Variants in FBXL17 observed in about 807,000 individuals in gnomAD.
FBXL17 encodes F-box/LRR-repeat protein 17.
FBXL17 carries 22 observed loss-of-function variants against 66.2 expected under a neutral mutation model. The ratio of observed to expected loss-of-function variants is 0.33; its 90% CI spans 0.24 to 0.47. The LOEUF is 0.47. Among genes scored for constraint, FBXL17 ranks in the 20% least tolerant of loss-of-function variants. FBXL17 has a pLI of 1.00. For missense variants in FBXL17, 878 were observed against 948.2 expected (o/e 0.93, Z 0.97); for synonymous variants, 474 against 400.5 (o/e 1.18, Z -2.19).
At chr5:108,258,737 ATTTTTT>A (rs759401052) in intron 4 of FBXL17, among the ~76,000 whole-genome samples, 3 of 122,890 alleles carry the variant, frequency 2.4e-5, no homozygotes, top group South Asian at 5.1e-4. Context: ...GGCCTTTAAC[ATTTTTT>A]TTTTTTTTTT....
chr5:108,130,075 A>G (rs1346672823), intron 6 of FBXL17, among the ~76,000 whole-genome samples: 7 of 151,888 alleles, frequency 4.6e-5, no homozygotes, highest in Non-Finnish European at 8.8e-5. Context: ...AACTGCTTTT[A>G]TTTTTAATGT....
chr5:108,096,850 T>C (rs190882384), intron 6 of FBXL17, among the ~76,000 whole-genome samples: 228 of 152,308 alleles, frequency 1.5e-3, no homozygotes, highest in Middle Eastern at 0.014. Flanking sequence ...AACATAAGCA[T>C]CCTGCTTTGG....
intron 6 of FBXL17, among the ~76,000 whole-genome samples, chr5:108,149,568 C>A (rs984705086): frequency 6.6e-6 from 1 of 152,224 alleles, no homozygotes; most frequent in Non-Finnish European, 1.5e-5. Flanking sequence ...ACCCTTGACA[C>A]ATGAGTCTCT....
intron 5 of FBXL17, among the ~76,000 whole-genome samples, chr5:108,193,956 T>G (rs190300935): frequency 6.6e-6 from 1 of 152,252 alleles, no homozygotes; most frequent in East Asian, 1.9e-4. Flanking sequence ...TCTAGGACAT[T>G]TTACGGCCCG....
intron 7 of FBXL17, among the ~76,000 whole-genome samples, chr5:107,901,333 G>T (rs947422369): frequency 1.3e-5 from 2 of 152,058 alleles, no homozygotes; most frequent in African/African-American, 4.8e-5. Context: ...ATACACCAAA[G>T]GTTTCTCATT....
At chr5:108,110,543 A>G (rs1178456963) in intron 6 of FBXL17, among the ~76,000 whole-genome samples, 1 of 152,184 alleles carries the variant, frequency 6.6e-6, no homozygotes, top group African/African-American at 2.4e-5. Context: ...TTACCATTTG[A>G]AAGTAGTTTC....
In FBXL17 at chr5:107,949,867, G is replaced by A. The variant is rs559440780; in HGVS notation, c.1823-68688C>T. ...AACAGGAAGTAGCTGAAACAGGAGC[G>A]AAATCCAAGCTGCTTGGTTCCTGAG... is the stretch of plus-strand genomic sequence containing the variant. On this transcript the variant is annotated intron_variant, in intron 7 of 8. Transcript: ENST00000542267. Among the ~76,000 whole-genome samples the A allele has an allele frequency of 1.1e-4, 16 of 152,266 alleles. No individual in the cohort carries two copies. The East Asian group carries it at 2.5e-3, about 24-fold the overall frequency.
At chr5:107,863,809 C>A (rs1270892842) in intron 8 of FBXL17, among the ~76,000 whole-genome samples, 1 of 152,166 alleles carries the variant, frequency 6.6e-6, no homozygotes, top group Non-Finnish European at 1.5e-5. Context: ...ACATTCAGCT[C>A]AAGAATCTCC....
rs1752590086 is a variant in FBXL17, at chr5:107,976,641, T to C, written c.1822+44284A>G. ...AAACAACAATGAAGAATCAACCATG[T>C]GAGATATGAGTAGAAAAAAGGAACA... On this transcript the variant is annotated intron_variant, in intron 7 of 8. Coordinates refer to ENST00000542267, the MANE Select transcript of FBXL17 (RefSeq NM_001163315.3). 2.0e-5 allele frequency among the ~76,000 whole-genome samples: 3 copies of C among 152,172 alleles called. No homozygotes were observed. In the South Asian group the frequency reaches 6.2e-4, roughly 32 times the overall value.
At chr5:108,109,660 T>A (rs746101360) in intron 6 of FBXL17, among the ~76,000 whole-genome samples, 11 of 152,116 alleles carry the variant, frequency 7.2e-5, no homozygotes, top group Non-Finnish European at 1.6e-4. Context: ...TAGTAAGGGA[T>A]AAGAAGAGAA....
chr5:108,230,643 C>T (rs1002241972), intron 4 of FBXL17, among the ~76,000 whole-genome samples: 1 of 151,368 alleles, frequency 6.6e-6, no homozygotes, highest in African/African-American at 2.4e-5. Flanking sequence ...GTGATGGGTG[C>T]ACCACGATCT....
intron 2 of FBXL17, 62 bp downstream of exon 2, chr5:108,367,769 A>G (rs567838380): frequency 4.4e-6 from 6 of 1,368,598 alleles, no homozygotes; most frequent in Non-Finnish European, 4.9e-6. Flanking sequence ...AGATTTCTGA[A>G]GAGGAATAAA....
chr5:108,253,981 G>A (rs990194783), intron 4 of FBXL17, among the ~76,000 whole-genome samples: 1 of 151,896 alleles, frequency 6.6e-6, no homozygotes, highest in Non-Finnish European at 1.5e-5. Context: ...CTCAAAAAAA[G>A]AAAAGAAAAG....
At chr5:107,875,246 G>A (rs1748585730) in intron 8 of FBXL17, among the ~76,000 whole-genome samples, 2 of 152,046 alleles carry the variant, frequency 1.3e-5, no homozygotes, top group Admixed American at 1.3e-4. Context: ...TTGTTTCATG[G>A]CTGAATTGCT....
chr5:108,288,335 T>C (rs902960092), intron 4 of FBXL17, among the ~76,000 whole-genome samples: 1 of 150,098 alleles, frequency 6.7e-6, no homozygotes. Flanking sequence ...GTTACCAAAA[T>C]ATGACACAGA....
At chr5:108,224,414 C>T (rs193202548) in intron 4 of FBXL17, among the ~76,000 whole-genome samples, 186 bp from the exon 5 acceptor site, 1 of 152,024 alleles carries the variant, frequency 6.6e-6, no homozygotes, top group Non-Finnish European at 1.5e-5. Flanking sequence ...CTTGACCCTA[C>T]ATCCACTTCT....
chr5:108,209,999 G>T (rs558530097), intron 5 of FBXL17, among the ~76,000 whole-genome samples: 2 of 152,228 alleles, frequency 1.3e-5, no homozygotes, highest in South Asian at 4.1e-4. Context: ...ACTTGTTACT[G>T]GTTTATTCAG....
At chr5:107,909,929 G>A (rs1224135356) in intron 7 of FBXL17, among the ~76,000 whole-genome samples, 2 of 152,160 alleles carry the variant, frequency 1.3e-5, no homozygotes, top group Non-Finnish European at 2.9e-5. Flanking sequence ...TTACCTTACT[G>A]TTATTGCTGC....
intron 5 of FBXL17, among the ~76,000 whole-genome samples, chr5:108,202,564 C>T (rs1753940538): frequency 6.6e-6 from 1 of 152,022 alleles, no homozygotes. Flanking sequence ...CCAGGGGATG[C>T]CTGAAACTGA....
Sources: gnomAD v4.1 joint callset for allele counts (sites outside exome capture counted in the v4.1 genomes callset) on GRCh38, gnomAD v4.1.1 for gene constraint, MANE v1.5 for transcripts, NCBI Gene and HGNC (gene_info 2026-07-23, HGNC 2026-07-21) for gene names.